The following KATNAL1 variants were observed in gnomAD, a reference collection of about 807,000 sequenced individuals.
KATNAL1 encodes katanin p60 ATPase-containing subunit A-like 1.
KATNAL1 carries 32 observed loss-of-function variants against 55.2 expected under a neutral mutation model. That is an observed-to-expected ratio of 0.58 (90% CI 0.44 to 0.78). The LOEUF (loss-of-function observed/expected upper bound fraction) is 0.78, where lower values mean the gene tolerates loss of function less well. Ranked by LOEUF, KATNAL1 falls within the 30% of genes least tolerant of loss-of-function variation. The probability of loss-of-function intolerance (pLI) is 0.00; values close to 1 mark genes in which losing one functional copy is unlikely to be tolerated. For synonymous variants in KATNAL1, 193 were observed against 193.6 expected (o/e 1.00, Z 0.02); for missense variants, 466 against 600.9 (o/e 0.78, Z 2.35).
At chr13:30,264,298 T>C (rs1338527571) in intron 3 of KATNAL1, among the ~76,000 whole-genome samples, 1 of 142,830 alleles carries the variant, frequency 7.0e-6, no homozygotes, top group African/African-American at 2.6e-5. Context: ...GGCATTACCA[T>C]TCAGGACATA....
chr13:30,239,923 A>T (rs1877094017), intron 6 of KATNAL1, among the ~76,000 whole-genome samples: 1 of 152,084 alleles, frequency 6.6e-6, no homozygotes, highest in East Asian at 1.9e-4. Flanking sequence ...TGGCCTCGTG[A>T]TCCACCCTCC....
chr13:30,289,904 T>C (rs964784546), intron 1 of KATNAL1, among the ~76,000 whole-genome samples: 2 of 152,210 alleles, frequency 1.3e-5, no homozygotes, highest in Non-Finnish European at 2.9e-5. Flanking sequence ...CCAGAGACAA[T>C]TTGTAAACAA....
chr13:30,278,594 T>G (rs1272943475), intron 3 of KATNAL1, among the ~76,000 whole-genome samples: 1 of 152,232 alleles, frequency 6.6e-6, no homozygotes, highest in Non-Finnish European at 1.5e-5. Context: ...CTGCGGACAC[T>G]GCTGTTTGAA....
chr13:30,275,021 TACAG>T (rs913757263), intron 3 of KATNAL1, among the ~76,000 whole-genome samples: 2 of 151,732 alleles, frequency 1.3e-5, no homozygotes, highest in Admixed American at 1.3e-4. Flanking sequence ...ACAGGCCAGA[TACAG>T]AAAGACACAT....
intron 1 of KATNAL1, among the ~76,000 whole-genome samples, chr13:30,295,352 T>A (rs1007738196): frequency 5.9e-5 from 9 of 152,204 alleles, no homozygotes; most frequent in Admixed American, 5.9e-4. Flanking sequence ...CATGGATGAC[T>A]CTGAGGGTTT....
intron 6 of KATNAL1, among the ~76,000 whole-genome samples, chr13:30,234,489 G>C (rs949182833): frequency 6.6e-6 from 1 of 151,970 alleles, no homozygotes; most frequent in African/African-American, 2.4e-5. Context: ...TTGAAACCCT[G>C]ACACTGCTCT....
intron 3 of KATNAL1, among the ~76,000 whole-genome samples, chr13:30,268,213 T>C (rs1879931600): frequency 6.6e-6 from 1 of 152,012 alleles, no homozygotes; most frequent in South Asian, 2.1e-4. Flanking sequence ...GTCTCAGGAG[T>C]GACAACTTCT....
chr13:30,240,967 G>A lies in KATNAL1; in HGVS notation c.612C>T (p.Ser204=), dbSNP rs752603111. Residue 204 remains serine, a synonymous_variant, in exon 5 of 11, where the codon AGC becomes AGT. Coordinates refer to ENST00000380615, the MANE Select transcript of KATNAL1 (RefSeq NM_032116.5). The part of the protein sequence containing the change: ...LERDIVSRNP[S]IHWDDIADLE... ...ATTTGAAAGACTCTAACCAATGAAT[G>A]CTAGGATTCCTGGATACAATGTCTC... The A allele has an allele frequency of 1.9e-6, 3 of 1,612,084 alleles. No individual in the cohort carries two copies. Among genetic ancestry groups the A allele is most frequent in the Admixed American group, 1.7e-5 (1 of 59,694 alleles).
intron 9 of KATNAL1, among the ~76,000 whole-genome samples, chr13:30,223,474 C>G (rs1434048997): frequency 7.2e-6 from 1 of 139,694 alleles, no homozygotes; most frequent in Non-Finnish European, 1.5e-5. Flanking sequence ...AAAACTGCAC[C>G]GTAAATATAA....
chr13:30,221,990 G>A (rs1166357924), intron 9 of KATNAL1, among the ~76,000 whole-genome samples: 1 of 152,188 alleles, frequency 6.6e-6, no homozygotes, highest in African/African-American at 2.4e-5. Context: ...GGCGGAGGTT[G>A]CAGTGAGGTA....
At position 30,233,820 on chromosome 13, in the gene KATNAL1, T is replaced by C. The variant is rs1395985097; in HGVS notation, c.727-2348A>G. On this transcript the variant is annotated intron_variant, in intron 6 of 10. Coordinates refer to ENST00000380615, the MANE Select transcript of KATNAL1 (RefSeq NM_032116.5). ...ACATGGATGGAGGTGGAGGTCGTTATGTCAAATGAAATACACCAAGCACAA... is the reference window on the plus strand; with the variant it reads ...ACATGGATGGAGGTGGAGGTCGTTACGTCAAATGAAATACACCAAGCACAA... 2.0e-5 allele frequency among the ~76,000 whole-genome samples: 3 copies of C among 152,346 alleles called. 1 individual carries two copies. The highest frequency in any genetic ancestry group is 4.1e-4 in the South Asian group (2 of 4,832).
chr13:30,272,271 G>A (rs187766661), intron 3 of KATNAL1, among the ~76,000 whole-genome samples: 9 of 152,150 alleles, frequency 5.9e-5, no homozygotes, highest in South Asian at 2.1e-4. Flanking sequence ...GGTGGCTCAC[G>A]CCTGTAATCC....
chr13:30,227,925 A>C (rs550318699), intron 8 of KATNAL1, among the ~76,000 whole-genome samples: 62 of 152,156 alleles, frequency 4.1e-4, no homozygotes, highest in Non-Finnish European at 7.1e-4. Flanking sequence ...GTTCCGCAAA[A>C]ATTTTATTTT....
chr13:30,252,280 T>C (rs925775904), intron 4 of KATNAL1, among the ~76,000 whole-genome samples: 10 of 152,194 alleles, frequency 6.6e-5, no homozygotes, highest in African/African-American at 2.4e-4. Flanking sequence ...TGTAGAAAGC[T>C]TCAAAAAGGA....
intron 4 of KATNAL1, among the ~76,000 whole-genome samples, chr13:30,242,722 T>C (rs1192612765): frequency 6.6e-6 from 1 of 152,044 alleles, no homozygotes; most frequent in Non-Finnish European, 1.5e-5. Context: ...GAAGTGTGTG[T>C]ATAGGCCAGT....
intron 3 of KATNAL1, among the ~76,000 whole-genome samples, chr13:30,278,191 G>A (rs1429344932): frequency 2.6e-5 from 4 of 151,332 alleles, no homozygotes; most frequent in Non-Finnish European, 4.4e-5. Flanking sequence ...TGTTGTTGAT[G>A]GTATACATGG....
intron 9 of KATNAL1, among the ~76,000 whole-genome samples, chr13:30,220,842 G>A (rs1191422788): frequency 9.9e-5 from 15 of 151,990 alleles, no homozygotes; most frequent in African/African-American, 3.6e-4. Flanking sequence ...TGGAATTACA[G>A]GCACCTGCTA....
At chr13:30,291,918 C>G (rs951280415) in intron 1 of KATNAL1, among the ~76,000 whole-genome samples, 2 of 151,940 alleles carry the variant, frequency 1.3e-5, no homozygotes. Context: ...GCCTGTAATC[C>G]CAGCTACTCG....
chr13:30,288,122 T>C (rs1486090777), intron 1 of KATNAL1, among the ~76,000 whole-genome samples: 1 of 152,194 alleles, frequency 6.6e-6, no homozygotes, highest in Non-Finnish European at 1.5e-5. Flanking sequence ...CAAATGTTCA[T>C]ACATTCTAAT....
Sources: allele counts gnomAD v4.1 joint callset (sites outside exome capture counted in the v4.1 genomes callset), GRCh38; gene constraint gnomAD v4.1.1; transcripts MANE v1.5; gene names NCBI Gene and HGNC (gene_info 2026-07-23, HGNC 2026-07-21).